GCC2: variants seen among roughly 807,000 people sequenced by gnomAD.
GCC2 encodes the protein GRIP and coiled-coil domain containing 2, also known as GRIP and coiled-coil domain-containing protein 2.
Under a neutral mutation model 210.6 loss-of-function variants are expected in GCC2, and 120 were observed. That is an observed-to-expected ratio of 0.57 (90% CI 0.49 to 0.66). GCC2 has a LOEUF of 0.66. GCC2 is among the 30% of genes least tolerant of loss of function. GCC2 has a pLI of 0.00. For missense variants in GCC2, 1,868 were observed against 1,871.9 expected, an observed-to-expected ratio of 1.00 and a Z score of 0.04; for synonymous variants, 703 against 652.7, an observed-to-expected ratio of 1.08 and a Z score of -1.17.
At chr2:108,449,567 C>T in intron 1 of GCC2, 66 bp from the exon 2 acceptor site, 4 of 1,467,096 alleles carry the variant, frequency 2.7e-6, no homozygotes, top group Non-Finnish European at 2.9e-6. Flanking sequence ...TGTAAGGGTT[C>T]TACGCGTTCC....
intron 4 of GCC2, among the ~76,000 whole-genome samples, chr2:108,459,504 G>T (rs1323205237): frequency 6.6e-6 from 1 of 152,064 alleles, no homozygotes; most frequent in Non-Finnish European, 1.5e-5. Context: ...GGTCCATTTG[G>T]TCTAAAGTCT....
intron 15 of GCC2, 81 bp downstream of exon 15, chr2:108,485,989 C>T (rs537454813): frequency 1.6e-6 from 1 of 640,866 alleles, no homozygotes; most frequent in Non-Finnish European, 2.7e-6. Flanking sequence ...TATTGATTAT[C>T]CTATAACGAT....
In GCC2 at chr2:108,472,106, T is replaced by C; in HGVS notation, c.2777T>C (p.Ile926Thr). The C allele has an allele frequency of 6.5e-7, 1 of 1,533,520 alleles. No individual in the cohort carries two copies. Among genetic ancestry groups the C allele is most frequent in the Admixed American group, 2.3e-5 (1 of 43,792 alleles). The allele number at this position is 1,533,520 out of a possible 1,614,324, so 95.0% of individuals were successfully genotyped here. ...TTACGAGATAGGAGAGCAGAGTTGA[T>C]ACTATTAAAGGTACCATTCATTTGA... ...KELRDRRAEL[I>T]LLKDSLAKSP... The change falls in exon 6 of 23, where the codon ATA becomes ACA. Residue 926 changes from isoleucine to threonine, a missense_variant. Around this residue, in one of 3 missense-constraint regions of GCC2, gnomAD observed 1,847 missense variants for 1,765.2 expected, o/e 1.05. Transcript: ENST00000309863.
At position 108,486,582 on chromosome 2, in the gene GCC2, C is replaced by T. The variant is rs1380914128; in HGVS notation, c.3864C>T (p.His1288=). 3.1e-6 allele frequency: 5 copies of T among 1,613,950 alleles called. No homozygotes were observed. The highest frequency in any genetic ancestry group is 4.2e-6 in the Non-Finnish European group (5 of 1,179,918). ...ACCTGAAAACCTCTGCGGAACAGCA[C>T]CAGCGTACGCTAAGTGCATACCAGC... The part of the protein sequence containing the change: ...HEHLKTSAEQ[H]QRTLSAYQQR... The change falls in exon 16 of 23, where the codon CAC becomes CAT. Residue 1288 remains histidine (H), a synonymous_variant. Transcript: ENST00000309863.
At chr2:108,496,333 C>T (rs1439602864) in intron 20 of GCC2, 1 of 152,650 alleles carries the variant, frequency 6.6e-6, no homozygotes, top group African/African-American at 2.4e-5. Flanking sequence ...CTGTCATCTC[C>T]CTGAAACTTC....
chr2:108,483,510 C>G (rs779037978), intron 12 of GCC2, among the ~76,000 whole-genome samples: 2 of 152,116 alleles, frequency 1.3e-5, no homozygotes, highest in Non-Finnish European at 2.9e-5. Context: ...CAGGTGTGAG[C>G]CACCGCACTC....
At chr2:108,457,392 C>T (rs1680329411) in intron 4 of GCC2, among the ~76,000 whole-genome samples, 1 of 151,902 alleles carries the variant, frequency 6.6e-6, no homozygotes, top group South Asian at 2.1e-4. Flanking sequence ...TTTCTATAGC[C>T]TCGTAATATG....
At chr2:108,465,585 C>A in intron 4 of GCC2, among the ~76,000 whole-genome samples, 1 of 152,234 alleles carries the variant, frequency 6.6e-6, no homozygotes, top group East Asian at 1.9e-4. Flanking sequence ...CTCCTACTTA[C>A]AAGTGGGAAT....
At position 108,471,544 on chromosome 2, in the gene GCC2, G is replaced by T; in HGVS notation, c.2215G>T (p.Asp739Tyr). Residue 739 changes from aspartate (D) to tyrosine (Y), a missense_variant, in exon 6 of 23, where the codon GAT (aspartate) becomes TAT (tyrosine). Physicochemically the swap from Asp to Tyr is radical, Grantham distance 160. This residue lies in a region of GCC2 where 1,847 missense variants were observed against 1,765.2 expected (regional missense o/e 1.05). Coordinates refer to ENST00000309863, the MANE Select transcript of GCC2 (RefSeq NM_181453.4). ...ACTTCAGTTAATGGTTGAAGAGCAA[G>T]ATAATTTAAATAAACTGCTTGAAAA... ...KKLQLMVEEQDNLNKLLENEQ... is the reference protein window; with the variant it reads ...KKLQLMVEEQYNLNKLLENEQ... 6.2e-7 allele frequency: 1 copy of T among 1,607,282 alleles called. No homozygotes were observed. The highest frequency in any genetic ancestry group is 8.5e-7 in the Non-Finnish European group (1 of 1,176,952).
intron 4 of GCC2, among the ~76,000 whole-genome samples, chr2:108,461,302 T>C (rs56338371): frequency 0.016 from 2,416 of 150,752 alleles, 68 homozygotes; most frequent in African/African-American, 0.057. Context: ...TTTTTTTTTT[T>C]CCTCTTTGCT....
intron 17 of GCC2, among the ~76,000 whole-genome samples, chr2:108,488,942 T>C (rs766648712): frequency 4.6e-5 from 7 of 152,220 alleles, no homozygotes; most frequent in Non-Finnish European, 7.3e-5. Context: ...TTCAAAAATA[T>C]AAATGTCACC....
intron 6 of GCC2, among the ~76,000 whole-genome samples, chr2:108,472,446 T>C (rs1314410059): frequency 1.3e-5 from 2 of 152,124 alleles, no homozygotes; most frequent in Non-Finnish European, 2.9e-5. Flanking sequence ...GTGATATGCT[T>C]AGTTATTTTT....
At chr2:108,464,345 T>C (rs1480165828) in intron 4 of GCC2, among the ~76,000 whole-genome samples, 1 of 152,184 alleles carries the variant, frequency 6.6e-6, no homozygotes, top group Non-Finnish European at 1.5e-5. Context: ...CCACCCGTGC[T>C]GCCACCTCAG....
chr2:108,490,751 TG>T (rs2104494829), intron 18 of GCC2, among the ~76,000 whole-genome samples: 1 of 152,340 alleles, frequency 6.6e-6, no homozygotes, highest in South Asian at 2.1e-4. Flanking sequence ...GTTTTCTAAC[TG>T]CCTATCACCA....
In GCC2 at chr2:108,505,892, G is replaced by A. The variant is rs1369432243; in HGVS notation, c.4985-1668G>A. 4.6e-5 allele frequency among the ~76,000 whole-genome samples: 7 copies of A among 152,196 alleles called. No individual in the cohort carries two copies. The South Asian group carries it at 1.0e-3, about 23-fold the overall frequency. On this transcript the variant is annotated intron_variant, in intron 22 of 22. Transcript: ENST00000309863. ...CCAGACAGAACAGAAAAATAAAATGGCTTTAACTCTAGAAAATTTCCCCAT... is the reference window on the plus strand; with the variant it reads ...CCAGACAGAACAGAAAAATAAAATGACTTTAACTCTAGAAAATTTCCCCAT...
intron 14 of GCC2, 30 bp from the exon 15 acceptor site, chr2:108,485,797 TAAAA>T (rs3217448): frequency 9.6e-6 from 14 of 1,457,482 alleles, no homozygotes; most frequent in African/African-American, 1.4e-5. Flanking sequence ...TGAGTAACAT[TAAAA>T]AAAATTTAAC....
intron 4 of GCC2, among the ~76,000 whole-genome samples, chr2:108,462,867 T>G (rs1376641209): frequency 7.3e-6 from 1 of 137,886 alleles, no homozygotes. Flanking sequence ...CTGGCCGACT[T>G]TGCTCATTTT....
chr2:108,469,549 T>G (rs1681074417), intron 5 of GCC2, 102 bp from the exon 6 acceptor site: 2 of 751,222 alleles, frequency 2.7e-6, no homozygotes, highest in South Asian at 3.9e-5. Context: ...TTCTGCTCAT[T>G]TACTTTTCTC....
intron 4 of GCC2, chr2:108,462,560 C>CA (rs1179778579): frequency 2.2e-5 from 2 of 91,012 alleles, no homozygotes; most frequent in African/African-American, 8.2e-5. Context: ...GACTTCGCTT[C>CA]TTTTTTTTTT....
Sources: allele counts gnomAD v4.1 joint callset (sites outside exome capture counted in the v4.1 genomes callset), GRCh38; gene constraint gnomAD v4.1.1; regional missense constraint gnomAD v4.1.1; transcripts MANE v1.5; gene names NCBI Gene and HGNC (gene_info 2026-07-23, HGNC 2026-07-21).